Variants in DPYSL2 observed in about 807,000 individuals in gnomAD.
The protein encoded by DPYSL2 is dihydropyrimidinase-related protein 2.
A neutral mutation model predicts 69.9 loss-of-function variants in DPYSL2; 13 were observed. The observed-to-expected ratio is 0.19, with a 90% CI of 0.12 to 0.30. The LOEUF (loss-of-function observed/expected upper bound fraction) is 0.30. Among genes scored for constraint, DPYSL2 ranks in the 10% least tolerant of loss-of-function variants. The pLI, the probability that DPYSL2 is intolerant of heterozygous loss-of-function variation, is 1.00. For missense variants in DPYSL2, 587 were observed against 918.9 expected, an observed-to-expected ratio of 0.64 and a Z score of 4.67; for synonymous variants, 326 against 359.1, an observed-to-expected ratio of 0.91 and a Z score of 1.04.
chr8:26,529,702 T>A (rs76371524), intron 1 of DPYSL2, among the ~76,000 whole-genome samples: 4,189 of 151,018 alleles, frequency 0.028, 203 homozygotes, highest in African/African-American at 0.095. Flanking sequence ...CCCATCCAAC[T>A]GCTGGATTTT....
At chr8:26,557,623 C>CAAA (rs56215906) in intron 1 of DPYSL2, among the ~76,000 whole-genome samples, 34,627 of 74,110 alleles carry the variant, frequency 0.47, 9,750 homozygotes, top group East Asian at 0.66. Flanking sequence ...ACTAAAAATA[C>CAAA]AAAAAAAAAA....
intron 7 of DPYSL2, among the ~76,000 whole-genome samples, chr8:26,630,860 C>T (rs545648890): frequency 3.7e-4 from 57 of 152,330 alleles, no homozygotes; most frequent in African/African-American, 1.3e-3. Context: ...TAAAGCCACA[C>T]CTGGACCTGG....
At chr8:26,629,995 G>A (rs73227610) in intron 7 of DPYSL2, among the ~76,000 whole-genome samples, 1 of 41,830 alleles carries the variant, frequency 2.4e-5, no homozygotes, top group African/African-American at 5.1e-5. Context: ...ATACACACAC[G>A]TCCATAGGCA....
Position 26,588,969 on chromosome 8 carries a change from C to T in DPYSL2, c.628+4986C>T, listed in dbSNP as rs12677981. Among the ~76,000 whole-genome samples the T allele has an allele frequency of 0.37, 56,770 of 152,050 alleles. 12,874 individuals carry two copies. Among genetic ancestry groups the T allele is most frequent in the East Asian group, 0.68 (3,543 of 5,178 alleles). ...TTTGTCACCTCTTCCTGGATTTTGG[C>T]CCTGTCCTCTGAGGAGTCTTACTGT... On this transcript the variant is annotated intron_variant, in intron 3 of 13. Coordinates refer to ENST00000521913, the MANE Select transcript of DPYSL2 (RefSeq NM_001197293.3). The surrounding 1 kb of genome is among the most constrained non-coding windows in gnomAD (Gnocchi z 5.4).
In DPYSL2 at chr8:26,610,353, C is replaced by T. The variant is rs1802197547; in HGVS notation, c.629-13790C>T. ...GGAAGGTTGTTTACATCACAGTGTC[C>T]TGTATTTGGGGGCTGCCCTGGGATG... On this transcript the variant is annotated intron_variant, in intron 3 of 13. Transcript: ENST00000521913. This position sits in a 1 kb window ranked among gnomAD's most constrained non-coding sequence, Gnocchi z 4.5. 6.6e-6 allele frequency among the ~76,000 whole-genome samples: 1 copy of T among 152,166 alleles called. No homozygotes were observed.
chr8:26,640,937 A>C lies in DPYSL2; in HGVS notation c.1127-2502A>C, dbSNP rs547372296. On this transcript the variant is annotated intron_variant, in intron 8 of 13. Coordinates refer to ENST00000521913, the MANE Select transcript of DPYSL2 (RefSeq NM_001197293.3). The surrounding 1 kb of genome is among the most constrained non-coding windows in gnomAD (Gnocchi z 4.2). The stretch of plus-strand genomic sequence containing the variant: ...TTGGGTTTTCTAGAGGCAGAAGGCC[A>C]AGTTCATTCTCTTGAAGTGAGGTAG... Among the ~76,000 whole-genome samples, 5 of 152,304 alleles carry C rather than the reference A, an allele frequency of 3.3e-5. No individual in the cohort carries two copies. The East Asian group carries it at 9.7e-4, about 29-fold the overall frequency.
rs55746168 is a variant in DPYSL2, at chr8:26,634,428, C to CTTTTTT, written c.1006-336_1006-331dup. Reference sequence around the variant, plus strand: ...TACAGTCACCTGCTGCCATGCCCAGCTTTTTTTTTTTTTTTTTTTTTAATT... The same window carrying CTTTTTT: ...TACAGTCACCTGCTGCCATGCCCAGCTTTTTTTTTTTTTTTTTTTTTTTTTTTAATT... On this transcript the variant is annotated intron_variant, in intron 7 of 13. Transcript: ENST00000521913. Among the ~76,000 whole-genome samples, 837 of 91,044 alleles carry CTTTTTT rather than the reference C, an allele frequency of 9.2e-3. 19 individuals carry two copies. The highest frequency in any genetic ancestry group is 0.017 in the East Asian group (43 of 2,592). The allele number at this position is 91,044 out of a possible 152,430, so 59.7% of individuals were successfully genotyped here.
chr8:26,534,376 C>A, intron 1 of DPYSL2, among the ~76,000 whole-genome samples: 1 of 151,972 alleles, frequency 6.6e-6, no homozygotes, highest in Admixed American at 6.6e-5. Context: ...CCAGGCTGGT[C>A]TCGAACTCCT....
rs1808229501 is a variant in DPYSL2, at chr8:26,514,162, T to G, written c.-164T>G. On this transcript the variant is annotated 5_prime_UTR_variant, in exon 1 of 14. Coordinates refer to ENST00000521913, the MANE Select transcript of DPYSL2 (RefSeq NM_001197293.3). The surrounding 1 kb of genome is among the most constrained non-coding windows in gnomAD (Gnocchi z 8.4). ...GGGTCAGGGGGAGGGACCGGGAGGG[T>G]GGGTCGCCGGCTCGCCAGCCCTCCT... 2 of 498,926 alleles carry G rather than the reference T, an allele frequency of 4.0e-6. No homozygotes were observed. Among genetic ancestry groups the G allele is most frequent in the South Asian group, 1.1e-4 (2 of 18,256 alleles). The allele number at this position is 498,926 out of a possible 1,614,324, so 30.9% of individuals were successfully genotyped here. A position where few individuals can be genotyped will look rare whatever the true frequency, so the allele number is the denominator to read the frequency against.
intron 1 of DPYSL2, among the ~76,000 whole-genome samples, chr8:26,518,711 T>G (rs769237523): frequency 1.3e-5 from 2 of 152,242 alleles, no homozygotes; most frequent in African/African-American, 4.8e-5. Flanking sequence ...TTATGTTCTT[T>G]GCGACTGGCT....
In DPYSL2 at chr8:26,643,422, T is replaced by C; in HGVS notation, c.1127-17T>C. ...CTGCATTGTGTTGGACTGAACCTTG[T>C]GTGTTCTGTTTGTCAGGAACTGTGG... is the stretch of plus-strand genomic sequence containing the variant. On this transcript the variant is annotated splice_polypyrimidine_tract_variant and intron_variant, in intron 8 of 13. Coordinates refer to ENST00000521913, the MANE Select transcript of DPYSL2 (RefSeq NM_001197293.3). The surrounding 1 kb of genome is among the most constrained non-coding windows in gnomAD (Gnocchi z 6.5). The C allele has an allele frequency of 1.3e-6, 2 of 1,571,174 alleles. No individual in the cohort carries two copies. Among genetic ancestry groups the C allele is most frequent in the Non-Finnish European group, 1.7e-6 (2 of 1,160,554 alleles).
chr8:26,624,399 G>C lies in DPYSL2; in HGVS notation c.793+92G>C. ...TGGGAAGAAAGTGATAATGCTTCCA[G>C]ATCCCATTTGTGCCTCATGCCCATG... On this transcript the variant is annotated intron_variant, in intron 4 of 13. Coordinates refer to ENST00000521913, the MANE Select transcript of DPYSL2 (RefSeq NM_001197293.3). This position sits in a 1 kb window ranked among gnomAD's most constrained non-coding sequence, Gnocchi z 4.7. 6.7e-7 allele frequency: 1 copy of C among 1,486,936 alleles called. No homozygotes were observed. Among genetic ancestry groups the C allele is most frequent in the Non-Finnish European group, 9.2e-7 (1 of 1,091,868 alleles). The allele number at this position is 1,486,936 out of a possible 1,614,324, so 92.1% of individuals were successfully genotyped here.
chr8:26,616,696 C>T lies in DPYSL2; in HGVS notation c.629-7447C>T, dbSNP rs572555706. Among the ~76,000 whole-genome samples, 19 of 152,306 alleles carry T rather than the reference C, an allele frequency of 1.2e-4. No homozygotes were observed. The East Asian group carries it at 2.3e-3, about 19-fold the overall frequency. ...TTGCTTCAAGGGGCTGGCGGGTACCCGAGGCGGGGTCGGAGGGCTGAGTGA... is the reference window on the plus strand; with the variant it reads ...TTGCTTCAAGGGGCTGGCGGGTACCTGAGGCGGGGTCGGAGGGCTGAGTGA... On this transcript the variant is annotated intron_variant, in intron 3 of 13. Transcript: ENST00000521913.
At chr8:26,635,893 G>A (rs1367210835) in intron 8 of DPYSL2, among the ~76,000 whole-genome samples, 5 of 152,086 alleles carry the variant, frequency 3.3e-5, no homozygotes, top group Admixed American at 3.3e-4. Flanking sequence ...CTATGGCTTG[G>A]TTTCTACTTC....
At chr8:26,612,469 G>T (rs771632668) in intron 3 of DPYSL2, among the ~76,000 whole-genome samples, 1 of 152,214 alleles carries the variant, frequency 6.6e-6, no homozygotes, top group Non-Finnish European at 1.5e-5. Context: ...GGAAATGATG[G>T]TAGATTCTCC....
chr8:26,629,344 A>T (rs564588961), intron 7 of DPYSL2, among the ~76,000 whole-genome samples: 1 of 143,754 alleles, frequency 7.0e-6, no homozygotes, highest in African/African-American at 2.5e-5. Context: ...ACACAGACAC[A>T]TACAGACACA....
Position 26,514,605 on chromosome 8 carries a change from T to A in DPYSL2, c.280T>A (p.Ser94Thr), listed in dbSNP as rs1808242634. 1.3e-6 allele frequency: 2 copies of A among 1,501,472 alleles called. No individual in the cohort carries two copies. The highest frequency in any genetic ancestry group is 1.7e-4 in the Middle Eastern group (1 of 5,862). 93.0% of individuals were successfully genotyped at this position (1,501,472 alleles called of 1,614,324 possible). Residue 94 changes from serine (S) to threonine (T), a missense_variant, in exon 1 of 14, where the codon TCT becomes ACT. Ser to Thr is a moderately conservative substitution (Grantham distance 58). This residue lies in a region of DPYSL2 where 85 missense variants were observed against 77.7 expected (regional missense o/e 1.09). Transcript: ENST00000521913. This position sits in a 1 kb window ranked among gnomAD's most constrained non-coding sequence, Gnocchi z 8.4. ...RQGRRAGGEPSVESGRKVEIR... is the reference protein window; with the variant it reads ...RQGRRAGGEPTVESGRKVEIR... ...GGGCCGGCGCGCCGGCGGAGAGCCA[T>A]CTGTTGAATCGGGCCGGAAGGTGGA... is the stretch of plus-strand genomic sequence containing the variant.
At chr8:26,526,329 G>A (rs569591571) in intron 1 of DPYSL2, among the ~76,000 whole-genome samples, 27 of 152,178 alleles carry the variant, frequency 1.8e-4, no homozygotes, top group African/African-American at 5.5e-4. Context: ...TCCTGACCTC[G>A]TTATCCACCC....
intron 1 of DPYSL2, among the ~76,000 whole-genome samples, chr8:26,559,681 G>A (rs28411048): frequency 0.87 from 133,131 of 152,178 alleles, 58,626 homozygotes; most frequent in East Asian, 0.99. Flanking sequence ...ATATTAACTC[G>A]TAGGTTTCAA....
Sources: gnomAD v4.1 joint callset for allele counts (sites outside exome capture counted in the v4.1 genomes callset) on GRCh38, gnomAD v4.1.1 for gene constraint, gnomAD v4.1.1 regional missense constraint, Gnocchi (gnomAD v3.1) non-coding constraint, MANE v1.5 for transcripts, NCBI Gene and HGNC (gene_info 2026-07-23, HGNC 2026-07-21) for gene names.